Variants in GPC5 observed in about 807,000 individuals in gnomAD.
GPC5 encodes the protein glypican 5.
In GPC5, 47 loss-of-function variants were observed where a neutral mutation model predicts 53.9. The observed-to-expected ratio is 0.87, with a 90% CI of 0.69 to 1.11. The LOEUF is 1.11. Ranked by LOEUF, GPC5 falls within the 50% of genes most tolerant of loss-of-function variation. The pLI is 0.00. For synonymous variants in GPC5, 286 were observed against 263.3 expected (o/e 1.09, Z -0.84); for missense variants, 748 against 713.1 (o/e 1.05, Z -0.56).
chr13:92,307,390 G>C (rs140422645), intron 7 of GPC5, among the ~76,000 whole-genome samples: 8,509 of 152,180 alleles, frequency 0.056, 642 homozygotes, highest in African/African-American at 0.18. Context: ...GGAGGCAGAG[G>C]TTGCAGTGAG....
chr13:92,542,936 A>G (rs889316254), intron 7 of GPC5, among the ~76,000 whole-genome samples: 2 of 151,798 alleles, frequency 1.3e-5, no homozygotes, highest in African/African-American at 4.8e-5. Context: ...TGGAAGTTTG[A>G]CTATATTATG....
intron 5 of GPC5, among the ~76,000 whole-genome samples, chr13:91,820,630 T>C (rs772924250): frequency 3.9e-5 from 6 of 152,220 alleles, no homozygotes; most frequent in African/African-American, 7.2e-5. Context: ...TAGAAACTTA[T>C]TATAAGTCTG....
chr13:91,454,933 G>A (rs923335122), intron 2 of GPC5, among the ~76,000 whole-genome samples: 5 of 152,124 alleles, frequency 3.3e-5, no homozygotes, highest in Non-Finnish European at 7.4e-5. Flanking sequence ...TATGCAGAGG[G>A]AATCATAGAA....
At chr13:92,018,874 A>G (rs2040732092) in intron 6 of GPC5, among the ~76,000 whole-genome samples, 1 of 152,100 alleles carries the variant, frequency 6.6e-6, no homozygotes, top group Admixed American at 6.5e-5. Flanking sequence ...GAAACCCAAC[A>G]CAAAAACTAA....
intron 4 of GPC5, among the ~76,000 whole-genome samples, chr13:91,738,199 TATAG>T (rs1053252672): frequency 1.3e-5 from 2 of 151,492 alleles, no homozygotes; most frequent in Non-Finnish European, 2.9e-5. Flanking sequence ...AAATTTTCTT[TATAG>T]ATGTAAACTT....
intron 7 of GPC5, among the ~76,000 whole-genome samples, chr13:92,694,853 TC>T (rs1201439010): frequency 2.0e-5 from 3 of 152,162 alleles, no homozygotes; most frequent in Admixed American, 6.5e-5. Context: ...TGGCTCTGTG[TC>T]CCCACTCAAA....
intron 6 of GPC5, among the ~76,000 whole-genome samples, chr13:92,091,844 G>A (rs1023001487): frequency 7.9e-5 from 12 of 151,016 alleles, no homozygotes; most frequent in African/African-American, 2.9e-4. Context: ...CCTGTCCAGA[G>A]AAAGATATTT....
chr13:91,724,406 C>G (rs1367623315), intron 3 of GPC5, among the ~76,000 whole-genome samples: 1 of 152,128 alleles, frequency 6.6e-6, no homozygotes, highest in African/African-American at 2.4e-5. Context: ...GCCTCCTCCT[C>G]TAACCCAGTG....
chr13:91,852,650 A>T (rs1203488430), intron 5 of GPC5, among the ~76,000 whole-genome samples: 1 of 151,962 alleles, frequency 6.6e-6, no homozygotes, highest in African/African-American at 2.4e-5. Context: ...TTTTCTTGGG[A>T]GTATGTCTTC....
At chr13:92,447,980 G>A (rs1222854029) in intron 7 of GPC5, 2 of 151,944 alleles carry the variant, frequency 1.3e-5, no homozygotes, top group Admixed American at 6.6e-5. Context: ...ATTTATGGGC[G>A]AATTTCACTT....
intron 7 of GPC5, among the ~76,000 whole-genome samples, chr13:92,213,993 G>T (rs554505654): frequency 7.2e-4 from 110 of 152,250 alleles, no homozygotes; most frequent in African/African-American, 2.6e-3. Flanking sequence ...GTAATCTGCT[G>T]TTTATTCTCT....
intron 1 of GPC5, among the ~76,000 whole-genome samples, chr13:91,400,572 A>T (rs947158722): frequency 3.9e-5 from 6 of 152,214 alleles, no homozygotes; most frequent in African/African-American, 1.4e-4. Flanking sequence ...TTGGCTGCTG[A>T]TAAAACTAAA....
intron 7 of GPC5, among the ~76,000 whole-genome samples, chr13:92,527,097 AAAAGAAAGAAAAAAGAAAG>A (rs1195946157): frequency 0.039 from 2,949 of 75,978 alleles, 420 homozygotes; most frequent in Admixed American, 0.058. Flanking sequence ...ATTCTGTAGG[AAAAGAAAGAAAAAAGAAAG>A]AAAGAAAGAA....
chr13:92,727,845 C>G (rs1440792786), intron 7 of GPC5, among the ~76,000 whole-genome samples: 1 of 151,300 alleles, frequency 6.6e-6, no homozygotes, highest in East Asian at 1.9e-4. Context: ...ATTACTCGAT[C>G]ATATTGGTCT....
At chr13:91,648,941 G>A (rs1391428234) in intron 2 of GPC5, among the ~76,000 whole-genome samples, 1 of 152,138 alleles carries the variant, frequency 6.6e-6, no homozygotes. Context: ...ATCTTGAATT[G>A]TAGTTCCCAT....
intron 7 of GPC5, among the ~76,000 whole-genome samples, chr13:92,691,478 T>C (rs1398710207): frequency 1.3e-5 from 2 of 149,724 alleles, no homozygotes; most frequent in Admixed American, 6.7e-5. Context: ...CACTCCCTAG[T>C]GAGATGAACC....
At chr13:91,534,283 A>G (rs1199603664) in intron 2 of GPC5, among the ~76,000 whole-genome samples, 1 of 152,238 alleles carries the variant, frequency 6.6e-6, no homozygotes, top group East Asian at 1.9e-4. Flanking sequence ...GTACATATAT[A>G]TATAGTAACA....
intron 7 of GPC5, among the ~76,000 whole-genome samples, chr13:92,359,979 AC>A (rs2043553104): frequency 6.6e-6 from 1 of 151,406 alleles, no homozygotes; most frequent in Non-Finnish European, 1.5e-5. Flanking sequence ...TGGATATTAG[AC>A]CTTTGTCACA....
At chr13:91,516,592 C>A (rs1319263344) in intron 2 of GPC5, among the ~76,000 whole-genome samples, 1 of 152,120 alleles carries the variant, frequency 6.6e-6, no homozygotes, top group African/African-American at 2.4e-5. Context: ...GTGCAAGTTG[C>A]AAGCTTTTGC....
Sources: gnomAD v4.1 joint callset for allele counts (sites outside exome capture counted in the v4.1 genomes callset) on GRCh38, gnomAD v4.1.1 for gene constraint, MANE v1.5 for transcripts, NCBI Gene and HGNC (gene_info 2026-07-23, HGNC 2026-07-21) for gene names.